NUMA1: variants seen among roughly 807,000 people sequenced by gnomAD.
NUMA1 encodes the protein SP-H antigen.
NUMA1 carries 62 observed loss-of-function variants against 237.1 expected under a neutral mutation model. The ratio of observed to expected loss-of-function variants is 0.26; its 90% confidence interval spans 0.21 to 0.32. The LOEUF (loss-of-function observed/expected upper bound fraction) is 0.32, where lower values mean the gene tolerates loss of function less well. Ranked by LOEUF, NUMA1 falls within the 10% of genes least tolerant of loss-of-function variation. The pLI is 1.00. For missense variants in NUMA1, 2,533 were observed against 2,666.5 expected, an observed-to-expected ratio of 0.95 and a Z score of 1.10; for synonymous variants, 1,028 against 1,066.1, an observed-to-expected ratio of 0.96 and a Z score of 0.70.
intron 4 of NUMA1, among the ~76,000 whole-genome samples, chr11:72,026,911 A>C (rs1240168045): frequency 6.6e-6 from 1 of 152,232 alleles, no homozygotes; most frequent in East Asian, 1.9e-4. Context: ...GATTAGCATT[A>C]ACCTGGGATT....
rs558982815 is a variant in NUMA1, at chr11:72,029,225, G to T, written c.108C>A (p.Phe36Leu). ...AVLQLQDCSIFIKIIDRIHGT... is the reference protein window; with the variant it reads ...AVLQLQDCSILIKIIDRIHGT... ...CTCACATTCTGTCAATGATCTTGAT[G>T]AAGATGCTGCAGTCCTGGAGCTGCA... Residue 36 changes from phenylalanine to leucine, a missense_variant, in exon 4 of 27, where the codon TTC (phenylalanine) becomes TTA (leucine). Coordinates refer to ENST00000393695, the MANE Select transcript of NUMA1 (RefSeq NM_006185.4). 1 of 1,611,420 alleles carries T rather than the reference G, an allele frequency of 6.2e-7. No individual in the cohort carries two copies. The highest frequency in any genetic ancestry group is 8.5e-7 in the Non-Finnish European group (1 of 1,179,544).
In NUMA1 at chr11:72,017,525, G is replaced by A. The variant is rs553975744; in HGVS notation, c.1119+162C>T. On this transcript the variant is annotated intron_variant, in intron 13 of 26. Coordinates refer to ENST00000393695, the MANE Select transcript of NUMA1 (RefSeq NM_006185.4). The stretch of plus-strand genomic sequence containing the variant: ...AAAAAAAATAAGTTAAAAAAAAAAG[G>A]TGTACTAGACTGAAGCCCACAATCT... The A allele has an allele frequency of 5.3e-5, 43 of 806,096 alleles. No individual in the cohort carries two copies. In the African/African-American group the frequency reaches 7.2e-4, roughly 14 times the overall value. 49.9% of individuals were successfully genotyped at this position (806,096 alleles called of 1,614,324 possible).
At chr11:72,026,132 T>TG (rs1453231297) in intron 4 of NUMA1, among the ~76,000 whole-genome samples, 1 of 152,184 alleles carries the variant, frequency 6.6e-6, no homozygotes, top group Non-Finnish European at 1.5e-5. Context: ...TAAAGCTGCA[T>TG]GGAGCATACT....
chr11:72,055,699 G>A (rs1427533677), intron 2 of NUMA1, among the ~76,000 whole-genome samples: 3 of 151,952 alleles, frequency 2.0e-5, no homozygotes, highest in Non-Finnish European at 4.4e-5. Flanking sequence ...TACCAGGCAA[G>A]CCAGGTCAGG....
intron 8 of NUMA1, chr11:72,020,982 C>G: frequency 2.0e-6 from 1 of 510,830 alleles, no homozygotes; most frequent in Non-Finnish European, 3.5e-6. Flanking sequence ...TTGTAAATAT[C>G]CTACATAACT....
chr11:72,018,455 C>A lies in NUMA1; in HGVS notation c.801G>T (p.Lys267Asn). ...TGGGCTCCAGTGGGCTGGCCGCCTGCTTCTCATTCAGCAGGGCTAGGCGGT... is the reference window on the plus strand; with the variant it reads ...TGGGCTCCAGTGGGCTGGCCGCCTGATTCTCATTCAGCAGGGCTAGGCGGT... ...RIDRLALLNEKQAASPLEPKE... is the reference protein window; with the variant it reads ...RIDRLALLNENQAASPLEPKE... Residue 267 changes from lysine to asparagine, a missense_variant, in exon 11 of 27, where the codon AAG becomes AAT. Lys to Asn is a moderately conservative substitution (Grantham distance 94). Around this residue, in one of 3 missense-constraint regions of NUMA1, gnomAD observed 1,414 missense variants for 1,508.1 expected, o/e 0.94. Transcript: ENST00000393695. 1 of 1,614,172 alleles carries A rather than the reference C, an allele frequency of 6.2e-7. No individual in the cohort carries two copies. The highest frequency in any genetic ancestry group is 8.5e-7 in the Non-Finnish European group (1 of 1,180,030).
Position 72,033,898 on chromosome 11 carries a change from A to C in NUMA1, c.42+2004T>G, listed in dbSNP as rs567341379. 2.6e-5 allele frequency among the ~76,000 whole-genome samples: 4 copies of C among 152,130 alleles called. No homozygotes were observed. The East Asian group carries it at 7.7e-4, about 29-fold the overall frequency. On this transcript the variant is annotated intron_variant, in intron 3 of 26. Transcript: ENST00000393695. Reference sequence around the variant, plus strand: ...TTGTATTTTTTTTGAGGTCACATTAAAATTGAGGTCAGAAGTTTGAGACCA... The same window carrying C: ...TTGTATTTTTTTTGAGGTCACATTACAATTGAGGTCAGAAGTTTGAGACCA...
In NUMA1 at chr11:72,035,952, T is replaced by C. The variant is rs1158605883; in HGVS notation, c.-9A>G. 1 of 1,613,712 alleles carries C rather than the reference T, an allele frequency of 6.2e-7. No individual in the cohort carries two copies. Among genetic ancestry groups the C allele is most frequent in the African/African-American group, 1.3e-5 (1 of 74,860 alleles). On this transcript the variant is annotated 5_prime_UTR_variant, in exon 3 of 27. Transcript: ENST00000393695. ...GTGGCGTGGAGTGTCATCTTGGTGA[T>C]GCCAGACAGTCACTCCAATGCGCCT...
At chr11:72,048,375 CT>C (rs11307657) in intron 2 of NUMA1, among the ~76,000 whole-genome samples, 140,918 of 152,024 alleles carry the variant, frequency 0.93, 65,557 homozygotes, top group Non-Finnish European at 0.98. Flanking sequence ...TGAAAATCAA[CT>C]TTTTTTTATT....
intron 24 of NUMA1, 88 bp downstream of exon 24, chr11:72,004,552 G>A: frequency 7.2e-7 from 1 of 1,384,388 alleles, no homozygotes; most frequent in Non-Finnish European, 1.0e-6. Context: ...AGTGAGGGAA[G>A]GAGAGAGAAG....
intron 2 of NUMA1, chr11:72,067,719 A>G (rs745886777): frequency 4.6e-5 from 7 of 152,188 alleles, no homozygotes; most frequent in Non-Finnish European, 8.8e-5. Context: ...CAATTTTCAG[A>G]TCTAGAATTT....
chr11:72,053,703 G>A (rs563820013), intron 2 of NUMA1, among the ~76,000 whole-genome samples: 10 of 152,314 alleles, frequency 6.6e-5, no homozygotes, highest in African/African-American at 2.2e-4. Flanking sequence ...TGCAACAATA[G>A]CTTTGAGAAC....
chr11:72,016,843 C>A, intron 13 of NUMA1: 1 of 247,442 alleles, frequency 4.0e-6, no homozygotes, highest in Admixed American at 5.2e-5. Flanking sequence ...TTATCCAAAT[C>A]ACCACCAGCT....
Position 72,016,540 on chromosome 11 carries a change from A to C in NUMA1, c.1120-10T>G. On this transcript the variant is annotated splice_polypyrimidine_tract_variant and intron_variant, in intron 13 of 26. Transcript: ENST00000393695. Reference sequence around the variant, plus strand: ...TCTCTTCAAGGCATTTCTGGGAGTAAATGAGACCCATGTGAACAGAGAGGG... The same window carrying C: ...TCTCTTCAAGGCATTTCTGGGAGTACATGAGACCCATGTGAACAGAGAGGG... The C allele has an allele frequency of 1.9e-6, 3 of 1,613,292 alleles. No homozygotes were observed. Among genetic ancestry groups the C allele is most frequent in the Non-Finnish European group, 1.7e-6 (2 of 1,179,658 alleles).
chr11:72,074,055 T>A (rs3018304), intron 1 of NUMA1, among the ~76,000 whole-genome samples: 1,877 of 152,048 alleles, frequency 0.012, 49 homozygotes, highest in Non-Finnish European at 0.013. Context: ...TTAGCTAGGC[T>A]TGGTGGCGCA....
In NUMA1 at chr11:72,014,070, T is replaced by C. The variant is rs1956332306; in HGVS notation, c.3433A>G (p.Ser1145Gly). 6.2e-7 allele frequency: 1 copy of C among 1,610,940 alleles called. No homozygotes were observed. Among genetic ancestry groups the C allele is most frequent in the Non-Finnish European group, 8.5e-7 (1 of 1,180,010 alleles). ...QCQKQQEQAD[S>G]LERSLEAERA... ...TCAGCCTCGAGGCTGCGTTCCAGGC[T>C]GTCAGCCTGCTCCTGCTGCTTCTGG... Residue 1145 changes from serine (S) to glycine (G), a missense_variant, in exon 15 of 27, where the codon AGC becomes GGC. By Grantham distance (56) the Ser-to-Gly change is moderately conservative. Around this residue, in one of 3 missense-constraint regions of NUMA1, gnomAD observed 1,414 missense variants for 1,508.1 expected, o/e 0.94. Coordinates refer to ENST00000393695, the MANE Select transcript of NUMA1 (RefSeq NM_006185.4). The surrounding 1 kb of genome is among the most constrained non-coding windows in gnomAD (Gnocchi z 4.6).
At chr11:72,022,013 C>A (rs66681660) in intron 7 of NUMA1, among the ~76,000 whole-genome samples, 5 of 2,660 alleles carry the variant, frequency 1.9e-3, no homozygotes, top group Non-Finnish European at 3.6e-3. Context: ...GGAAAAAAAA[C>A]ACACACACAC....
intron 8 of NUMA1, chr11:72,020,388 C>A (rs1938601631): frequency 6.6e-6 from 1 of 152,228 alleles, no homozygotes; most frequent in Admixed American, 6.5e-5. Context: ...GCCTAGACCT[C>A]CTTCTTACAT....
chr11:72,013,178 T>G lies in NUMA1; in HGVS notation c.4325A>C (p.Lys1442Thr). ...CTCCTCTGCCAGCAGGCCATGCGCC[T>G]TCTTCAGCATGCTCAGCTGCTCTGC... ...SYAEQLSMLK[K>T]AHGLLAEENR... Residue 1442 changes from lysine to threonine, a missense_variant, in exon 15 of 27, where the codon AAG (lysine) becomes ACG (threonine). Coordinates refer to ENST00000393695, the MANE Select transcript of NUMA1 (RefSeq NM_006185.4). The surrounding 1 kb of genome is among the most constrained non-coding windows in gnomAD (Gnocchi z 6.8). The G allele has an allele frequency of 1.2e-6, 2 of 1,613,362 alleles. No homozygotes were observed. Among genetic ancestry groups the G allele is most frequent in the Non-Finnish European group, 1.7e-6 (2 of 1,180,032 alleles).
Sources: gnomAD v4.1 joint callset for allele counts (sites outside exome capture counted in the v4.1 genomes callset) on GRCh38, gnomAD v4.1.1 for gene constraint, gnomAD v4.1.1 regional missense constraint, Gnocchi (gnomAD v3.1) non-coding constraint, MANE v1.5 for transcripts, NCBI Gene and HGNC (gene_info 2026-07-23, HGNC 2026-07-21) for gene names.